Variants in FAM241A observed in about 807,000 individuals in gnomAD.
FAM241A encodes uncharacterized protein FAM241A.
A neutral mutation model predicts 12.2 loss-of-function variants in FAM241A; 7 were observed. That is an observed-to-expected ratio of 0.58 (90% CI 0.33 to 1.08). The LOEUF (loss-of-function observed/expected upper bound fraction) is 1.08. FAM241A is among the 50% of genes least tolerant of loss of function. The pLI is 0.04. For missense variants in FAM241A, 161 were observed against 169.7 expected (o/e 0.95, Z 0.29); for synonymous variants, 74 against 68.2 (o/e 1.08, Z -0.42).
Position 112,188,060 on chromosome 4 carries a change from C to T in FAM241A, c.*1122C>T, listed in dbSNP as rs1382035676. The stretch of plus-strand genomic sequence containing the variant: ...GCCATGTTATTAAGGTGTCTTAATT[C>T]AGCATTTTCAGGTTTTATATTGAAA... On this transcript the variant is annotated 3_prime_UTR_variant, in exon 2 of 2. Coordinates refer to ENST00000309733, the MANE Select transcript of FAM241A (RefSeq NM_152400.3). 1 of 152,080 alleles carries T rather than the reference C, an allele frequency of 6.6e-6. No individual in the cohort carries two copies. Among genetic ancestry groups the T allele is most frequent in the Non-Finnish European group, 1.5e-5 (1 of 67,974 alleles). 9.4% of individuals were successfully genotyped at this position (152,080 alleles called of 1,614,324 possible).
At chr4:112,159,064 G>T (rs1703162257) in intron 1 of FAM241A, among the ~76,000 whole-genome samples, 1 of 152,078 alleles carries the variant, frequency 6.6e-6, no homozygotes, top group Non-Finnish European at 1.5e-5. Flanking sequence ...ATGAGAACTT[G>T]CAATATTTGT....
chr4:112,171,046 G>A (rs927808598), intron 1 of FAM241A, among the ~76,000 whole-genome samples: 21 of 152,098 alleles, frequency 1.4e-4, no homozygotes, highest in African/African-American at 4.8e-4. Flanking sequence ...TTAAAATCCT[G>A]GTCAAATAGT....
In FAM241A at chr4:112,190,913, A is replaced by G. The variant is rs1233805338; in HGVS notation, c.*3975A>G. On this transcript the variant is annotated 3_prime_UTR_variant, in exon 2 of 2. Coordinates refer to ENST00000309733, the MANE Select transcript of FAM241A (RefSeq NM_152400.3). Reference sequence around the variant, plus strand: ...CACACAGCAGCTCGGCAATGTCACCACTCCCGTGGCTGCAGAGTTACCATT... The same window carrying G: ...CACACAGCAGCTCGGCAATGTCACCGCTCCCGTGGCTGCAGAGTTACCATT... 6.6e-6 allele frequency: 1 copy of G among 151,902 alleles called. No individual in the cohort carries two copies. The allele number at this position is 151,902 out of a possible 1,614,324, so 9.4% of individuals were successfully genotyped here.
chr4:112,188,199 G>C lies in FAM241A; in HGVS notation c.*1261G>C, dbSNP rs915714837. On this transcript the variant is annotated 3_prime_UTR_variant, in exon 2 of 2. Coordinates refer to ENST00000309733, the MANE Select transcript of FAM241A (RefSeq NM_152400.3). ...TCATCTCAAAGATTATAAAGGAAAG[G>C]GGGGTAGTTAAGATTTAGAATTCAA... is the stretch of plus-strand genomic sequence containing the variant. 6.6e-6 allele frequency: 1 copy of C among 152,116 alleles called. No homozygotes were observed. The allele number at this position is 152,116 out of a possible 1,614,324, so 9.4% of individuals were successfully genotyped here.
At chr4:112,147,496 A>G (rs1206596953) in intron 1 of FAM241A, among the ~76,000 whole-genome samples, 3 of 152,220 alleles carry the variant, frequency 2.0e-5, no homozygotes, top group Non-Finnish European at 4.4e-5. Flanking sequence ...AGCTTTTCTG[A>G]TAAAACGTTT....
At chr4:112,184,996 TATAAG>T (rs1180015240) in intron 1 of FAM241A, among the ~76,000 whole-genome samples, 2 of 152,252 alleles carry the variant, frequency 1.3e-5, no homozygotes, top group East Asian at 3.9e-4. Context: ...GACACTCCCT[TATAAG>T]ATAATTAATT....
chr4:112,172,601 T>C (rs939506433), intron 1 of FAM241A, among the ~76,000 whole-genome samples: 6 of 152,212 alleles, frequency 3.9e-5, no homozygotes, highest in African/African-American at 1.2e-4. Flanking sequence ...CCAAGCATTT[T>C]GCAGCTCTTA....
intron 1 of FAM241A, among the ~76,000 whole-genome samples, chr4:112,175,247 C>T (rs1017207435): frequency 6.6e-6 from 1 of 152,118 alleles, no homozygotes; most frequent in Non-Finnish European, 1.5e-5. Context: ...CGTCTCTATC[C>T]ATTTCTTGGC....
intron 1 of FAM241A, among the ~76,000 whole-genome samples, chr4:112,167,758 CT>C (rs1396157065): frequency 2.0e-5 from 3 of 152,314 alleles, no homozygotes; most frequent in Non-Finnish European, 4.4e-5. Flanking sequence ...CCCCACAGCA[CT>C]TAACCTTACT....
In FAM241A at chr4:112,193,193, T is replaced by C. The variant is rs1196959880; in HGVS notation, c.*6255T>C. The stretch of plus-strand genomic sequence containing the variant: ...TCCTTTGCCCACTTTTTGATGGGGT[T>C]GTTTGTTTTTTTCTTGTAAATTTGT... On this transcript the variant is annotated 3_prime_UTR_variant, in exon 2 of 2. Coordinates refer to ENST00000309733, the MANE Select transcript of FAM241A (RefSeq NM_152400.3). 1.3e-5 allele frequency: 2 copies of C among 151,250 alleles called. No individual in the cohort carries two copies. The highest frequency in any genetic ancestry group is 1.9e-4 in the East Asian group (1 of 5,168). 9.4% of individuals were successfully genotyped at this position (151,250 alleles called of 1,614,324 possible). A position where few individuals can be genotyped will look rare whatever the true frequency, so the allele number is the denominator to read the frequency against.
intron 1 of FAM241A, among the ~76,000 whole-genome samples, chr4:112,159,214 GA>G (rs1723413241): frequency 6.6e-6 from 1 of 152,168 alleles, no homozygotes; most frequent in Non-Finnish European, 1.5e-5. Flanking sequence ...CTCTTTAGTA[GA>G]GTAAAGCAAT....
intron 1 of FAM241A, among the ~76,000 whole-genome samples, chr4:112,163,015 A>G (rs1006010596): frequency 2.0e-5 from 3 of 152,166 alleles, no homozygotes; most frequent in African/African-American, 7.2e-5. Context: ...CACATCTACA[A>G]CCATCTGATC....
chr4:112,180,544 G>A (rs923342350), intron 1 of FAM241A, among the ~76,000 whole-genome samples: 5 of 152,062 alleles, frequency 3.3e-5, no homozygotes, highest in Non-Finnish European at 7.4e-5. Flanking sequence ...TCAAAAGGTG[G>A]CGAAAAGCTA....
rs566674395 is a variant in FAM241A, at chr4:112,149,252, C to T, written c.153+3519C>T. 1.6e-3 allele frequency among the ~76,000 whole-genome samples: 245 copies of T among 152,168 alleles called. 2 individuals are homozygous for T. Among genetic ancestry groups the T allele is most frequent in the Middle Eastern group, 6.8e-3 (2 of 294 alleles). ...AACTACTAGCCTCAAGCAATCCTCCCGTCTCAGCCTCCCGAAGTACTGGGA... is the reference window on the plus strand; with the variant it reads ...AACTACTAGCCTCAAGCAATCCTCCTGTCTCAGCCTCCCGAAGTACTGGGA... On this transcript the variant is annotated intron_variant, in intron 1 of 1. Transcript: ENST00000309733.
At chr4:112,147,537 CTAG>C (rs1560578366) in intron 1 of FAM241A, among the ~76,000 whole-genome samples, 1 of 151,964 alleles carries the variant, frequency 6.6e-6, no homozygotes, top group Non-Finnish European at 1.5e-5. Context: ...GCCTTGTTTT[CTAG>C]TTTTTTTCAA....
chr4:112,146,156 A>G (rs1032964559), intron 1 of FAM241A, among the ~76,000 whole-genome samples: 1 of 152,026 alleles, frequency 6.6e-6, no homozygotes, highest in Non-Finnish European at 1.5e-5. Context: ...CCCGCCCTCC[A>G]TCTTGCGTTT....
chr4:112,168,487 A>G (rs1293315027), intron 1 of FAM241A, among the ~76,000 whole-genome samples: 4 of 152,350 alleles, frequency 2.6e-5, no homozygotes, highest in African/African-American at 9.6e-5. Flanking sequence ...AGGAAACAAT[A>G]TACTCCCAAA....
intron 1 of FAM241A, among the ~76,000 whole-genome samples, chr4:112,155,589 C>T (rs1317285170): frequency 6.6e-6 from 1 of 151,652 alleles, no homozygotes; most frequent in African/African-American, 2.4e-5. Flanking sequence ...TACATTTTTA[C>T]ATTTAATTTA....
At chr4:112,146,965 C>T (rs1266741109) in intron 1 of FAM241A, among the ~76,000 whole-genome samples, 2 of 152,140 alleles carry the variant, frequency 1.3e-5, no homozygotes, top group Non-Finnish European at 2.9e-5. Context: ...GCTTGATTTC[C>T]TCTAACTTAA....
Sources: allele counts gnomAD v4.1 joint callset (sites outside exome capture counted in the v4.1 genomes callset), GRCh38; gene constraint gnomAD v4.1.1; transcripts MANE v1.5; gene names NCBI Gene and HGNC (gene_info 2026-07-23, HGNC 2026-07-21).